Variants in FIG4 observed in about 807,000 individuals in gnomAD.
FIG4 encodes the protein FIG4 phosphoinositide 5-phosphatase.
FIG4 carries 112 observed loss-of-function variants against 118.6 expected under a neutral mutation model. The observed-to-expected ratio is 0.94, with a 90% CI of 0.81 to 1.11. The LOEUF (loss-of-function observed/expected upper bound fraction) is 1.11. Among genes scored for constraint, FIG4 ranks in the 50% least tolerant of loss-of-function variants. The pLI, the probability that FIG4 is intolerant of heterozygous loss-of-function variation, is 0.00. For synonymous variants in FIG4, 369 were observed against 381.2 expected, an observed-to-expected ratio of 0.97 and a Z score of 0.37; for missense variants, 969 against 1,111.7, an observed-to-expected ratio of 0.87 and a Z score of 1.83.
At chr6:109,743,322 A>T in intron 9 of FIG4, 50 bp downstream of exon 9, 1 of 1,545,538 alleles carries the variant, frequency 6.5e-7, no homozygotes. Flanking sequence ...ACATTTAGAG[A>T]TAATGAACTG....
chr6:109,722,549 G>A (rs1775643626), intron 3 of FIG4, among the ~76,000 whole-genome samples: 1 of 151,960 alleles, frequency 6.6e-6, no homozygotes, highest in Non-Finnish European at 1.5e-5. Flanking sequence ...TACAGAGAGA[G>A]AAACAAAGGG....
At position 109,743,147 on chromosome 6, in the gene FIG4, T is replaced by C. The variant is rs1316514193; in HGVS notation, c.914T>C (p.Leu305Pro). 6.2e-7 allele frequency: 1 copy of C among 1,612,972 alleles called. No homozygotes were observed. The highest frequency in any genetic ancestry group is 1.3e-5 in the African/African-American group (1 of 74,866). Residue 305 changes from leucine to proline, a missense_variant, in exon 9 of 23, where the codon CTC (leucine) becomes CCC (proline). By Grantham distance (98) the Leu-to-Pro change is moderately conservative (BLOSUM62 -3). Coordinates refer to ENST00000230124, the MANE Select transcript of FIG4 (RefSeq NM_014845.6). ...AATGAAGTGGAGACTGAACAAATACTCTGCGATGCTTCTGTGATGTCTTTC... is the reference window on the plus strand; with the variant it reads ...AATGAAGTGGAGACTGAACAAATACCCTGCGATGCTTCTGTGATGTCTTTC... ...VANEVETEQI[L>P]CDASVMSFTA...
intron 9 of FIG4, 114 bp from the exon 10 acceptor site, chr6:109,743,561 G>C (rs1440413543): frequency 1.3e-6 from 1 of 793,216 alleles, no homozygotes; most frequent in Non-Finnish European, 2.2e-6. Flanking sequence ...TTTGGGAAGT[G>C]AAACTATTGA....
chr6:109,789,672 AT>A lies in FIG4; in HGVS notation c.2177del (p.Leu726TrpfsTer54). ...AACCAGATGAAACTGGAAAATCAGTATTGGGGTAAGATTTGTGTATAGAACG... is the reference window on the plus strand; with the variant it reads ...AACCAGATGAAACTGGAAAATCAGTATGGGGTAAGATTTGTGTATAGAACG... Reference protein sequence around the residue: ...RKPDETGKSVLGNKSNREEAV... With the variant: ...RKPDETGKSVXGNKSNREEAV... On this transcript the variant is annotated frameshift_variant, in exon 19 of 23. Transcript: ENST00000230124. LOFTEE classifies it high-confidence loss of function. The A allele has an allele frequency of 6.2e-7, 1 of 1,607,326 alleles. No individual in the cohort carries two copies. Among genetic ancestry groups the A allele is most frequent in the Non-Finnish European group, 8.5e-7 (1 of 1,173,892 alleles).
chr6:109,723,966 T>A (rs1462083533), intron 3 of FIG4, among the ~76,000 whole-genome samples: 2 of 152,168 alleles, frequency 1.3e-5, no homozygotes, highest in African/African-American at 4.8e-5. Flanking sequence ...TAATATAAAT[T>A]CCTTTTTTTA....
intron 1 of FIG4, chr6:109,701,725 G>A: frequency 2.1e-6 from 1 of 471,672 alleles, no homozygotes; most frequent in African/African-American, 2.0e-5. Context: ...ACCACATGGT[G>A]AGGAAATGCA....
Position 109,763,954 on chromosome 6 carries a change from G to C in FIG4, c.1406G>C (p.Gly469Ala). The C allele has an allele frequency of 6.2e-7, 1 of 1,610,206 alleles. No individual in the cohort carries two copies. ...AAACACAGGTGGAATGAACTAGGAG[G>C]ATGTGTGATTCCCACTGGTCGCCTG... Reference protein sequence around the residue: ...RPDEKWNELGGCVIPTGRLQT... With the variant: ...RPDEKWNELGACVIPTGRLQT... The change falls in exon 13 of 23, where the codon GGA (glycine) becomes GCA (alanine). Residue 469 changes from glycine to alanine, a missense_variant. Gly to Ala is a moderately conservative substitution (Grantham distance 60). Around this residue, in one of 3 missense-constraint regions of FIG4, gnomAD observed 246 missense variants for 354.3 expected, o/e 0.69. Coordinates refer to ENST00000230124, the MANE Select transcript of FIG4 (RefSeq NM_014845.6).
chr6:109,711,522 T>C (rs1430345432), intron 1 of FIG4, among the ~76,000 whole-genome samples: 1 of 152,234 alleles, frequency 6.6e-6, no homozygotes, highest in Non-Finnish European at 1.5e-5. Context: ...GTAATGCCAT[T>C]CTTTGTCTTT....
At chr6:109,797,669 G>A (rs1583750451) in intron 22 of FIG4, among the ~76,000 whole-genome samples, 1 of 152,048 alleles carries the variant, frequency 6.6e-6, no homozygotes, top group East Asian at 1.9e-4. Context: ...GTTGAGATGG[G>A]TGGATCACCT....
At chr6:109,714,731 T>G (rs1775374402) in intron 1 of FIG4, among the ~76,000 whole-genome samples, 1 of 152,202 alleles carries the variant, frequency 6.6e-6, no homozygotes. Context: ...TATGTTGAGC[T>G]TTAGAATTTT....
intron 1 of FIG4, among the ~76,000 whole-genome samples, chr6:109,704,589 A>G (rs1416022478): frequency 6.6e-6 from 1 of 150,848 alleles, no homozygotes; most frequent in Non-Finnish European, 1.5e-5. Context: ...AATTGCTTGA[A>G]CCTGGGAAGC....
chr6:109,729,957 T>C (rs1204311518), intron 4 of FIG4, among the ~76,000 whole-genome samples: 1 of 152,070 alleles, frequency 6.6e-6, no homozygotes, highest in African/African-American at 2.4e-5. Context: ...TATTAAAAGA[T>C]TTTTTAAATC....
chr6:109,781,935 A>G (rs1170082756), intron 16 of FIG4, among the ~76,000 whole-genome samples: 1 of 151,724 alleles, frequency 6.6e-6, no homozygotes, highest in African/African-American at 2.4e-5. Flanking sequence ...AACAGCTGTA[A>G]TTTCACTTAA....
intron 22 of FIG4, among the ~76,000 whole-genome samples, chr6:109,818,797 C>G (rs941056116): frequency 2.0e-5 from 3 of 152,218 alleles, no homozygotes; most frequent in African/African-American, 7.2e-5. Context: ...CTGCATCCTG[C>G]TGCTTTCCAT....
In FIG4 at chr6:109,716,678, C is replaced by A. The variant is rs933293593; in HGVS notation, c.289+110C>A. ...CTATAAGGCTTTAAAATTATAATTA[C>A]CTGTAGCTTTGGTTATTTAAAACTT... is the stretch of plus-strand genomic sequence containing the variant. On this transcript the variant is annotated intron_variant, in intron 3 of 22. Transcript: ENST00000230124. 8.6e-6 allele frequency: 11 copies of A among 1,284,754 alleles called. No homozygotes were observed. In the African/African-American group the frequency reaches 1.6e-4, roughly 19 times the overall value. 79.6% of individuals were successfully genotyped at this position (1,284,754 alleles called of 1,614,324 possible). A position where few individuals can be genotyped will look rare whatever the true frequency, so the allele number is the denominator to read the frequency against.
At chr6:109,819,878 A>C (rs1239538764) in intron 22 of FIG4, among the ~76,000 whole-genome samples, 1 of 152,234 alleles carries the variant, frequency 6.6e-6, no homozygotes, top group Non-Finnish European at 1.5e-5. Flanking sequence ...AATTCTTAGT[A>C]TCCCCTACTT....
Position 109,735,171 on chromosome 6 carries a change from C to G in FIG4, c.519C>G (p.His173Gln), listed in dbSNP as rs2077156849. 1 of 1,612,874 alleles carries G rather than the reference C, an allele frequency of 6.2e-7. No individual in the cohort carries two copies. ...FYFSYSYDLSHSLQYNLTVLR... is the reference protein window; with the variant it reads ...FYFSYSYDLSQSLQYNLTVLR... ...TCAGTTACAGCTATGATTTGTCCCA[C>G]TCACTTCAATATAATCTCACTGTCT... is the stretch of plus-strand genomic sequence containing the variant. Residue 173 changes from histidine to glutamine, a missense_variant, in exon 6 of 23, where the codon CAC becomes CAG. Physicochemically the swap from His to Gln is conservative, Grantham distance 24. This residue lies in a region of FIG4 where 393 missense variants were observed against 409.4 expected (regional missense o/e 0.96). Coordinates refer to ENST00000230124, the MANE Select transcript of FIG4 (RefSeq NM_014845.6).
At chr6:109,745,031 C>T (rs1311296369) in intron 10 of FIG4, among the ~76,000 whole-genome samples, 1 of 152,040 alleles carries the variant, frequency 6.6e-6, no homozygotes, top group African/African-American at 2.4e-5. Context: ...TTTCTTTATC[C>T]AGTCTATCAT....
At chr6:109,741,396 C>T in intron 7 of FIG4, 48 bp from the exon 8 acceptor site, 1 of 1,148,704 alleles carries the variant, frequency 8.7e-7, no homozygotes, top group Non-Finnish European at 1.3e-6. Context: ...CTCTCTTGGT[C>T]TTATGTGACA....
Sources: allele counts gnomAD v4.1 joint callset (sites outside exome capture counted in the v4.1 genomes callset), GRCh38; gene constraint gnomAD v4.1.1; regional missense constraint gnomAD v4.1.1; transcripts MANE v1.5; gene names NCBI Gene and HGNC (gene_info 2026-07-23, HGNC 2026-07-21).